ACSBG1: variants seen among roughly 807,000 people sequenced by gnomAD.
ACSBG1 encodes the protein acyl-CoA synthetase bubblegum family member 1.
In ACSBG1, 39 loss-of-function variants were observed where a neutral mutation model predicts 80.2. The ratio of observed to expected loss-of-function variants is 0.49; its 90% CI spans 0.38 to 0.64. The LOEUF (loss-of-function observed/expected upper bound fraction) is 0.64, where lower values mean the gene tolerates loss of function less well. Ranked by LOEUF, ACSBG1 falls within the 30% of genes least tolerant of loss-of-function variation. The pLI, the probability that ACSBG1 is intolerant of heterozygous loss-of-function variation, is 0.00. For synonymous variants in ACSBG1, 392 were observed against 379.5 expected, an observed-to-expected ratio of 1.03 and a Z score of -0.38; for missense variants, 828 against 966.4, an observed-to-expected ratio of 0.86 and a Z score of 1.90.
At chr15:78,182,879 G>A in intron 5 of ACSBG1, 94 bp from the exon 6 acceptor site, 1 of 1,363,990 alleles carries the variant, frequency 7.3e-7, no homozygotes, top group Non-Finnish European at 1.0e-6. Flanking sequence ...GCTTAGTAAA[G>A]GTCTCTGGGT....
rs149408872 is a variant in ACSBG1 at position 78,182,715 on chromosome 15, T to G, written c.734A>C (p.Asn245Thr). The change falls in exon 6 of 14, where the codon AAT becomes ACT. Residue 245 changes from asparagine to threonine, a missense_variant. Transcript: ENST00000258873. ...YKEPPPNKMA[N>T]VYTMEEFMEL... is the part of the protein sequence containing the mutation. ...CCCCACTGCCCATACCGTGTACACA[T>G]TGGCCATCTTGTTTGGAGGAGGTTC... 2 of 1,614,230 alleles carry G rather than the reference T, an allele frequency of 1.2e-6. No individual in the cohort carries two copies. The highest frequency in any genetic ancestry group is 2.2e-5 in the South Asian group (2 of 91,086).
chr15:78,195,758 G>A (rs2075108184), intron 2 of ACSBG1, among the ~76,000 whole-genome samples: 1 of 152,172 alleles, frequency 6.6e-6, no homozygotes. Flanking sequence ...TCCTTTCCTT[G>A]GGGCAAGGGT....
At chr15:78,171,681 G>A (rs1203559456) in intron 13 of ACSBG1, 152 bp from the exon 14 acceptor site, 5 of 613,688 alleles carry the variant, frequency 8.1e-6, no homozygotes, top group African/African-American at 5.5e-5. Context: ...GACAGTGATC[G>A]CTCCTGGTAT....
At chr15:78,188,122 C>T (rs1286248255) in intron 5 of ACSBG1, among the ~76,000 whole-genome samples, 1 of 152,050 alleles carries the variant, frequency 6.6e-6, no homozygotes, top group Non-Finnish European at 1.5e-5. Context: ...TTACAAGGGA[C>T]GTGAAGGACC....
At position 78,194,027 on chromosome 15, in the gene ACSBG1, G is replaced by A. The variant is rs778764158; in HGVS notation, c.454-7C>T. The A allele has an allele frequency of 6.2e-7, 1 of 1,613,892 alleles. No homozygotes were observed. Among genetic ancestry groups the A allele is most frequent in the Non-Finnish European group, 8.5e-7 (1 of 1,179,992 alleles). On this transcript the variant is annotated splice_polypyrimidine_tract_variant and splice_region_variant and intron_variant, in intron 3 of 13. Transcript: ENST00000258873. ...GGGCCTGCTTCAGGCCGAGCTCCAG[G>A]TCAAAGGCAGACAGGCCAGGTCAGC... is the stretch of plus-strand genomic sequence containing the variant.
At chr15:78,195,324 A>T (rs1234063680) in intron 2 of ACSBG1, among the ~76,000 whole-genome samples, 1 of 152,222 alleles carries the variant, frequency 6.6e-6, no homozygotes, top group African/African-American at 2.4e-5. Context: ...TCCACTGCAC[A>T]GACGGGGCAG....
chr15:78,177,665 C>T lies in ACSBG1; in HGVS notation c.1702+949G>A, dbSNP rs938258306. ...GCACATCCCAGGGCCCAAACGCCAC[C>T]GCGACCTTTTGTCCCTCCCTGGGGT... On this transcript the variant is annotated intron_variant, in intron 11 of 13. Transcript: ENST00000258873. This position sits in a 1 kb window ranked among gnomAD's most constrained non-coding sequence, Gnocchi z 4.1. 1.3e-4 allele frequency among the ~76,000 whole-genome samples: 20 copies of T among 152,306 alleles called. No individual in the cohort carries two copies. The highest frequency in any genetic ancestry group is 3.4e-3 in the Middle Eastern group (1 of 294).
chr15:78,182,425 C>T, intron 7 of ACSBG1, 41 bp downstream of exon 7: 1 of 1,595,606 alleles, frequency 6.3e-7, no homozygotes, highest in Non-Finnish European at 8.6e-7. Context: ...CCACCCATAA[C>T]CCCCTTGCAC....
chr15:78,218,499 C>T (rs545219276), intron 1 of ACSBG1, among the ~76,000 whole-genome samples: 3 of 152,284 alleles, frequency 2.0e-5, no homozygotes, highest in Non-Finnish European at 4.4e-5. Context: ...GGACACAGAG[C>T]AGAAGGAGCC....
chr15:78,231,439 T>C (rs574045642), intron 1 of ACSBG1, among the ~76,000 whole-genome samples: 11 of 151,842 alleles, frequency 7.2e-5, no homozygotes, highest in South Asian at 6.3e-4. Context: ...CTTTTTTGTA[T>C]TTTTTTAAGC....
At chr15:78,214,911 T>G (rs953957948) in intron 1 of ACSBG1, among the ~76,000 whole-genome samples, 2 of 152,180 alleles carry the variant, frequency 1.3e-5, no homozygotes, top group Non-Finnish European at 2.9e-5. Context: ...CTTCACCAAA[T>G]TTCAATTACA....
At chr15:78,220,996 G>A (rs952451658) in intron 1 of ACSBG1, among the ~76,000 whole-genome samples, 1 of 152,186 alleles carries the variant, frequency 6.6e-6, no homozygotes, top group Non-Finnish European at 1.5e-5. Flanking sequence ...ACAAAGACTT[G>A]TACATAAATG....
chr15:78,186,146 G>A (rs182845512), intron 5 of ACSBG1, among the ~76,000 whole-genome samples: 443 of 152,190 alleles, frequency 2.9e-3, no homozygotes, highest in Non-Finnish European at 4.5e-3. Flanking sequence ...TTATGTAATG[G>A]CCTTCTTTGT....
chr15:78,223,159 C>T (rs1246543071), intron 1 of ACSBG1, among the ~76,000 whole-genome samples: 1 of 152,080 alleles, frequency 6.6e-6, no homozygotes, highest in Non-Finnish European at 1.5e-5. Flanking sequence ...GGATCCCTGA[C>T]CCACCATGTC....
chr15:78,190,618 A>C (rs1020569171), intron 5 of ACSBG1, among the ~76,000 whole-genome samples: 3 of 151,984 alleles, frequency 2.0e-5, no homozygotes, highest in African/African-American at 4.8e-5. Context: ...TGTTGAAAGC[A>C]AGAGTAATAA....
At position 78,178,592 on chromosome 15, in the gene ACSBG1, G is replaced by A. The variant is rs745318303; in HGVS notation, c.1702+22C>T. On this transcript the variant is annotated intron_variant, in intron 11 of 13. Coordinates refer to ENST00000258873, the MANE Select transcript of ACSBG1 (RefSeq NM_015162.5). The surrounding 1 kb of genome is among the most constrained non-coding windows in gnomAD (Gnocchi z 4.3). ...GCTGGGATTACAGGCATGAGCCACCGTGCCTGGCCTGGGGTGCTCACCTTT... is the reference window on the plus strand; with the variant it reads ...GCTGGGATTACAGGCATGAGCCACCATGCCTGGCCTGGGGTGCTCACCTTT... The A allele has an allele frequency of 2.2e-5, 35 of 1,588,074 alleles. No homozygotes were observed. The highest frequency in any genetic ancestry group is 3.0e-5 in the Non-Finnish European group (35 of 1,167,440).
intron 1 of ACSBG1, among the ~76,000 whole-genome samples, chr15:78,219,246 G>C (rs1382666063): frequency 6.6e-6 from 1 of 152,054 alleles, no homozygotes; most frequent in Admixed American, 6.6e-5. Context: ...TAGCACAGTG[G>C]CTAAGATACT....
Position 78,174,534 on chromosome 15 carries a change from C to T in ACSBG1, c.1703-10G>A, listed in dbSNP as rs186673520. On this transcript the variant is annotated splice_polypyrimidine_tract_variant and intron_variant, in intron 11 of 13. Coordinates refer to ENST00000258873, the MANE Select transcript of ACSBG1 (RefSeq NM_015162.5). ...GCTGTGATGATTAATTCTGGGGAGG[C>T]AAGGCCAGGCCCCCGGCACAGAATG... 439 of 1,612,036 alleles carry T rather than the reference C, an allele frequency of 2.7e-4. 1 individual carries two copies. The highest frequency in any genetic ancestry group is 1.3e-3 in the Middle Eastern group (8 of 6,054).
intron 1 of ACSBG1, among the ~76,000 whole-genome samples, chr15:78,216,317 A>C (rs1467153421): frequency 6.6e-6 from 1 of 152,196 alleles, no homozygotes; most frequent in African/African-American, 2.4e-5. Context: ...ACAAAGATGC[A>C]TTCTTTGCAG....
Sources: gnomAD v4.1 joint callset for allele counts (sites outside exome capture counted in the v4.1 genomes callset) on GRCh38, gnomAD v4.1.1 for gene constraint, Gnocchi (gnomAD v3.1) non-coding constraint, MANE v1.5 for transcripts, NCBI Gene and HGNC (gene_info 2026-07-23, HGNC 2026-07-21) for gene names.